The following TNRC6B variants were observed in gnomAD, a reference collection of about 807,000 sequenced individuals.
TNRC6B encodes the protein trinucleotide repeat containing adaptor 6B.
TNRC6B carries 52 observed loss-of-function variants against 203.6 expected under a neutral mutation model. The observed-to-expected ratio is 0.26, with a 90% confidence interval of 0.20 to 0.32. TNRC6B has a LOEUF of 0.32. Among genes scored for constraint, TNRC6B ranks in the 10% least tolerant of loss-of-function variants. The probability of loss-of-function intolerance (pLI) is 1.00; values close to 1 mark genes in which losing one functional copy is unlikely to be tolerated. For missense variants in TNRC6B, 1,923 were observed against 2,286.2 expected (o/e 0.84, Z 3.24); for synonymous variants, 838 against 845.7 (o/e 0.99, Z 0.16).
rs559993581 is a variant in TNRC6B at position 40,328,997 on chromosome 22, A to G, written c.*5756A>G. 2.6e-5 allele frequency: 4 copies of G among 152,088 alleles called. No individual in the cohort carries two copies. The highest frequency in any genetic ancestry group is 9.7e-5 in the African/African-American group (4 of 41,178). 9.4% of individuals were successfully genotyped at this position (152,088 alleles called of 1,614,324 possible). A position where few individuals can be genotyped will look rare whatever the true frequency, so the allele number is the denominator to read the frequency against. On this transcript the variant is annotated 3_prime_UTR_variant, in exon 23 of 23. Coordinates refer to ENST00000454349, the MANE Select transcript of TNRC6B (RefSeq NM_001162501.2). ...TGTCACACTTCATGTGTATGCATTAACTATACTTCTTAGTGTTACTGCAAA... is the reference window on the plus strand; with the variant it reads ...TGTCACACTTCATGTGTATGCATTAGCTATACTTCTTAGTGTTACTGCAAA...
At chr22:40,186,991 T>A (rs1222464690) in intron 1 of TNRC6B, among the ~76,000 whole-genome samples, 6 of 152,110 alleles carry the variant, frequency 3.9e-5, no homozygotes, top group Non-Finnish European at 7.3e-5. Flanking sequence ...ACTTACTACT[T>A]TTTCATGGAA....
chr22:40,222,789 G>A (rs1217483664), intron 1 of TNRC6B, among the ~76,000 whole-genome samples: 1 of 95,732 alleles, frequency 1.0e-5, no homozygotes, highest in African/African-American at 3.7e-5. Flanking sequence ...TTTTGCCCAG[G>A]CTGGAGTGCG....
chr22:40,251,508 C>T (rs1328807470), intron 3 of TNRC6B, among the ~76,000 whole-genome samples: 1 of 152,036 alleles, frequency 6.6e-6, no homozygotes, highest in Non-Finnish European at 1.5e-5. Flanking sequence ...CACCTGAGGT[C>T]GGGAGTTTGA....
intron 1 of TNRC6B, among the ~76,000 whole-genome samples, chr22:40,068,989 C>A (rs1037273445): frequency 2.6e-5 from 4 of 152,080 alleles, no homozygotes; most frequent in Admixed American, 2.6e-4. Flanking sequence ...TCCATACATA[C>A]TATTTTTATG....
intron 1 of TNRC6B, among the ~76,000 whole-genome samples, chr22:40,214,911 G>A (rs532671852): frequency 6.6e-5 from 10 of 152,188 alleles, no homozygotes; most frequent in African/African-American, 2.4e-4. Context: ...AAAGTTAAAA[G>A]CAAACAAAAA....
rs890425355 is a variant in TNRC6B, at chr22:40,328,238, A to T, written c.*4997A>T. 9 of 152,224 alleles carry T rather than the reference A, an allele frequency of 5.9e-5. No individual in the cohort carries two copies. The highest frequency in any genetic ancestry group is 8.8e-5 in the Non-Finnish European group (6 of 68,042). The allele number at this position is 152,224 out of a possible 1,614,324, so 9.4% of individuals were successfully genotyped here. On this transcript the variant is annotated 3_prime_UTR_variant, in exon 23 of 23. Transcript: ENST00000454349. ...TCAGTGTCCCCCCAATAAATCACTT[A>T]TCCATTTATTGCTAGTTAGTTTTAT...
At position 40,178,005 on chromosome 22, in the gene TNRC6B, T is replaced by G; in HGVS notation, c.-131T>G. 6.5e-7 allele frequency: 1 copy of G among 1,535,048 alleles called. No individual in the cohort carries two copies. Among genetic ancestry groups the G allele is most frequent in the Non-Finnish European group, 8.7e-7 (1 of 1,147,978 alleles). On this transcript the variant is annotated 5_prime_UTR_variant, in exon 1 of 23. Coordinates refer to ENST00000454349, the MANE Select transcript of TNRC6B (RefSeq NM_001162501.2). ...TCAAGCCAAAATGGCCGACAGAGTC[T>G]CTGCTGGTTTCTGAATATTTAAAAT...
chr22:40,088,606 G>GTGTGTGTT (rs1230410197), intron 1 of TNRC6B, among the ~76,000 whole-genome samples: 2 of 148,604 alleles, frequency 1.3e-5, no homozygotes, highest in African/African-American at 5.1e-5. Context: ...GTGTGTGTGT[G>GTGTGTGTT]TGTGTGTGTG....
At chr22:40,257,607 T>C (rs2070300312) in intron 3 of TNRC6B, among the ~76,000 whole-genome samples, 1 of 151,940 alleles carries the variant, frequency 6.6e-6, no homozygotes, top group Non-Finnish European at 1.5e-5. Context: ...TCCCAGCTAC[T>C]TGAGAGACTG....
chr22:40,137,408 C>T (rs758873384), intron 3 of TNRC6B, among the ~76,000 whole-genome samples: 2 of 152,168 alleles, frequency 1.3e-5, no homozygotes, highest in African/African-American at 2.4e-5. Context: ...ACAAGTTACA[C>T]GGCAGAGTAA....
rs1004094710 is a variant in TNRC6B at position 40,313,367 on chromosome 22, A to C, written c.4678+370A>C. The stretch of plus-strand genomic sequence containing the variant: ...GGTTATTATTCCTAAGATAGCCAAT[A>C]ATAGCTAGCTTTTCTCTAAAAATCC... On this transcript the variant is annotated intron_variant, in intron 19 of 22. Transcript: ENST00000454349. Among the ~76,000 whole-genome samples the C allele has an allele frequency of 1.3e-4, 20 of 152,188 alleles. 1 individual carries two copies. Among genetic ancestry groups the C allele is most frequent in the African/African-American group, 4.8e-4 (20 of 41,430 alleles).
rs898042043 is a variant in TNRC6B at position 40,195,860 on chromosome 22, C to T, written c.5+17720C>T. Among the ~76,000 whole-genome samples, 11 of 152,370 alleles carry T rather than the reference C, an allele frequency of 7.2e-5. No homozygotes were observed. The East Asian group carries it at 1.7e-3, about 24-fold the overall frequency. ...TATCAGCTCACTGCAAGCTCCACCT[C>T]CCAGGTTCACACCATTCTCCTGCCT... On this transcript the variant is annotated intron_variant, in intron 1 of 22. Coordinates refer to ENST00000454349, the MANE Select transcript of TNRC6B (RefSeq NM_001162501.2).
At chr22:40,139,427 G>A (rs936946960) in intron 3 of TNRC6B, among the ~76,000 whole-genome samples, 2 of 151,096 alleles carry the variant, frequency 1.3e-5, no homozygotes, top group African/African-American at 4.9e-5. Context: ...TGCCTCCTGG[G>A]TTCCAGTGAT....
At chr22:40,094,277 CATATT>C (rs2068171196) in intron 1 of TNRC6B, among the ~76,000 whole-genome samples, 1 of 151,964 alleles carries the variant, frequency 6.6e-6, no homozygotes, top group East Asian at 1.9e-4. Flanking sequence ...ATTCCTAAGA[CATATT>C]GTATTTTATG....
intron 12 of TNRC6B, among the ~76,000 whole-genome samples, chr22:40,297,992 G>T (rs185614088): frequency 1.3e-5 from 2 of 151,030 alleles, no homozygotes; most frequent in Non-Finnish European, 2.9e-5. Flanking sequence ...GGGCATGGTG[G>T]CAGGCACCTG....
chr22:40,050,211 T>C, intron 1 of TNRC6B, among the ~76,000 whole-genome samples: 1 of 152,154 alleles, frequency 6.6e-6, no homozygotes, highest in African/African-American at 2.4e-5. Context: ...CATGGGTAGT[T>C]GGAGCACTTA....
chr22:40,303,021 CCTTCTTCTT>C (rs1218031533), intron 15 of TNRC6B, among the ~76,000 whole-genome samples: 19 of 140,472 alleles, frequency 1.4e-4, no homozygotes, highest in East Asian at 2.1e-4. Context: ...TGCTGTATTT[CCTTCTTCTT>C]CTTCTTCTTC....
chr22:40,313,509 A>G (rs190463960), intron 19 of TNRC6B, among the ~76,000 whole-genome samples: 3 of 152,344 alleles, frequency 2.0e-5, no homozygotes, highest in Admixed American at 2.0e-4. Context: ...ATATTAGGAA[A>G]TGGAAAAGTT....
At chr22:40,189,537 G>A (rs2069245989) in intron 1 of TNRC6B, among the ~76,000 whole-genome samples, 2 of 150,840 alleles carry the variant, frequency 1.3e-5, no homozygotes, top group African/African-American at 2.4e-5. Flanking sequence ...CCTAATTAAA[G>A]TGAATTAAAC....
Sources: allele counts gnomAD v4.1 joint callset (sites outside exome capture counted in the v4.1 genomes callset), GRCh38; gene constraint gnomAD v4.1.1; transcripts MANE v1.5; gene names NCBI Gene and HGNC (gene_info 2026-07-23, HGNC 2026-07-21).